KIAA0825: variants seen among roughly 807,000 people sequenced by gnomAD.
The protein encoded by KIAA0825 is uncharacterized protein KIAA0825.
In KIAA0825, 119 loss-of-function variants were observed where a neutral mutation model predicts 147.6. The ratio of observed to expected loss-of-function variants is 0.81; its 90% CI spans 0.69 to 0.94. The LOEUF (loss-of-function observed/expected upper bound fraction) is 0.94. Among genes scored for constraint, KIAA0825 ranks in the 40% least tolerant of loss-of-function variants. KIAA0825 has a pLI of 0.00. For missense variants in KIAA0825, 1,381 were observed against 1,472.7 expected (o/e 0.94, Z 1.02); for synonymous variants, 470 against 518.1 (o/e 0.91, Z 1.26).
At chr5:94,445,224 A>G (rs1400176440) in intron 13 of KIAA0825, among the ~76,000 whole-genome samples, 1 of 152,198 alleles carries the variant, frequency 6.6e-6, no homozygotes, top group Non-Finnish European at 1.5e-5. Context: ...AAGTGGTTCA[A>G]TATTTCTTCC....
intron 20 of KIAA0825, among the ~76,000 whole-genome samples, chr5:94,349,653 C>A (rs1475064114): frequency 6.6e-6 from 1 of 152,054 alleles, no homozygotes; most frequent in African/African-American, 2.4e-5. Flanking sequence ...TGCAAATACA[C>A]GGAAATTAAA....
At chr5:94,361,168 G>GT (rs1745005884) in intron 20 of KIAA0825, among the ~76,000 whole-genome samples, 2 of 152,218 alleles carry the variant, frequency 1.3e-5, no homozygotes, top group African/African-American at 2.4e-5. Context: ...ATAAAATGAA[G>GT]TTTTTTTAAA....
chr5:94,340,038 T>C (rs1488352495), intron 20 of KIAA0825, among the ~76,000 whole-genome samples: 1 of 152,100 alleles, frequency 6.6e-6, no homozygotes, highest in Non-Finnish European at 1.5e-5. Context: ...AAAAATACTA[T>C]TCATATTCTC....
At chr5:94,492,030 G>A (rs1450166809) in intron 5 of KIAA0825, among the ~76,000 whole-genome samples, 1 of 152,194 alleles carries the variant, frequency 6.6e-6, no homozygotes, top group East Asian at 1.9e-4. Flanking sequence ...TGAGCCTCAT[G>A]AATGTAAATG....
At position 94,384,013 on chromosome 5, in the gene KIAA0825, G is replaced by A. The variant is rs551390645; in HGVS notation, c.3710+355C>T. On this transcript the variant is annotated intron_variant, in intron 20 of 20. Coordinates refer to ENST00000682413, the MANE Select transcript of KIAA0825 (RefSeq NM_001145678.3). ...AACAAAGGTGTAGTATTATAATAAC[G>A]TTCAAGTCAATAACTTTTGGTCTTT... is the stretch of plus-strand genomic sequence containing the variant. 1.5e-4 allele frequency among the ~76,000 whole-genome samples: 23 copies of A among 152,132 alleles called. 1 individual carries two copies. The South Asian group carries it at 4.3e-3, about 29-fold the overall frequency.
chr5:94,289,649 G>A (rs546969298), intron 20 of KIAA0825, among the ~76,000 whole-genome samples: 36 of 151,926 alleles, frequency 2.4e-4, no homozygotes, highest in African/African-American at 8.7e-4. Context: ...AAATTTGGTT[G>A]AGGTCTTAAC....
intron 14 of KIAA0825, among the ~76,000 whole-genome samples, chr5:94,424,462 A>G (rs1257367108): frequency 6.6e-6 from 1 of 152,160 alleles, no homozygotes; most frequent in African/African-American, 2.4e-5. Flanking sequence ...ATTTAAAAAA[A>G]TTCCTAAAAC....
intron 5 of KIAA0825, among the ~76,000 whole-genome samples, chr5:94,487,502 T>C (rs1245423790): frequency 7.9e-5 from 12 of 152,330 alleles, no homozygotes; most frequent in Non-Finnish European, 4.4e-5. Flanking sequence ...TACCTCACAG[T>C]ATCTCATAGG....
intron 20 of KIAA0825, among the ~76,000 whole-genome samples, chr5:94,367,532 A>G (rs1226422895): frequency 6.6e-6 from 1 of 152,088 alleles, no homozygotes; most frequent in Non-Finnish European, 1.5e-5. Flanking sequence ...AAGAAAAAGG[A>G]AGCCTAGAGA....
At position 94,484,913 on chromosome 5, in the gene KIAA0825, G is replaced by C; in HGVS notation, c.988C>G (p.Gln330Glu). 1 of 1,513,446 alleles carries C rather than the reference G, an allele frequency of 6.6e-7. No individual in the cohort carries two copies. 93.8% of individuals were successfully genotyped at this position (1,513,446 alleles called of 1,614,324 possible). ...VHALVTTECP[Q>E]KGRNFSLPLD... ...GGGAGAGAGAAGTTTCTTCCTTTCT[G>C]TGGGCATTCAGTAGTAACTGTGAAA... The change falls in exon 6 of 21, where the codon CAG becomes GAG. Residue 330 changes from glutamine to glutamate, a missense_variant. Coordinates refer to ENST00000682413, the MANE Select transcript of KIAA0825 (RefSeq NM_001145678.3).
intron 20 of KIAA0825, among the ~76,000 whole-genome samples, chr5:94,220,080 C>A (rs1318819455): frequency 1.3e-5 from 2 of 152,092 alleles, no homozygotes; most frequent in African/African-American, 4.8e-5. Flanking sequence ...GCAAAAAATT[C>A]TTTCTCCATA....
chr5:94,596,579 G>C (rs1358637864), intron 1 of KIAA0825, among the ~76,000 whole-genome samples: 2 of 152,136 alleles, frequency 1.3e-5, no homozygotes, highest in African/African-American at 4.8e-5. Flanking sequence ...TGTTCCATAG[G>C]AATTTTAAAA....
intron 18 of KIAA0825, among the ~76,000 whole-genome samples, chr5:94,388,736 C>A (rs539892592): frequency 6.6e-6 from 1 of 152,216 alleles, no homozygotes; most frequent in Non-Finnish European, 1.5e-5. Context: ...ACAGTCATCA[C>A]TAACCCTTCT....
intron 12 of KIAA0825, 39 bp downstream of exon 12, chr5:94,462,348 T>C (rs1759945609): frequency 9.5e-7 from 1 of 1,047,342 alleles, no homozygotes; most frequent in Non-Finnish European, 1.3e-6. Flanking sequence ...AATCACGTTA[T>C]ATCATAATAG....
At chr5:94,404,075 G>T (rs1468068643) in intron 15 of KIAA0825, among the ~76,000 whole-genome samples, 18 of 152,280 alleles carry the variant, frequency 1.2e-4, no homozygotes, top group African/African-American at 2.4e-5. Context: ...GACCTTCTTA[G>T]ATGACAACTT....
Position 94,226,315 on chromosome 5 carries a change from A to T in KIAA0825, c.3711-72191T>A, listed in dbSNP as rs193250806. On this transcript the variant is annotated intron_variant, in intron 20 of 20. Transcript: ENST00000682413. ...AAATGCAAATCAAAACCACAATGAGATACCATCTCATGCCAGTTAGAATGG... is the reference window on the plus strand; with the variant it reads ...AAATGCAAATCAAAACCACAATGAGTTACCATCTCATGCCAGTTAGAATGG... 8.8e-4 allele frequency among the ~76,000 whole-genome samples: 134 copies of T among 152,342 alleles called. 1 individual carries two copies. The highest frequency in any genetic ancestry group is 3.2e-3 in the African/African-American group (131 of 41,580).
At chr5:94,331,363 C>T (rs1472733365) in intron 20 of KIAA0825, among the ~76,000 whole-genome samples, 1 of 152,124 alleles carries the variant, frequency 6.6e-6, no homozygotes, top group Non-Finnish European at 1.5e-5. Context: ...CTCGAAACAA[C>T]TCATTCAAGA....
chr5:94,564,705 A>C (rs1008844211), intron 2 of KIAA0825, among the ~76,000 whole-genome samples: 3 of 151,946 alleles, frequency 2.0e-5, no homozygotes, highest in Non-Finnish European at 2.9e-5. Flanking sequence ...CTCCTGGGCT[A>C]CTACTTGTTA....
chr5:94,520,987 A>G (rs1768078787), intron 4 of KIAA0825, 70 bp from the exon 5 acceptor site: 1 of 1,238,328 alleles, frequency 8.1e-7, no homozygotes, highest in African/African-American at 1.5e-5. Context: ...GTCATATACA[A>G]TTTCATAATA....
Sources: gnomAD v4.1 joint callset for allele counts (sites outside exome capture counted in the v4.1 genomes callset) on GRCh38, gnomAD v4.1.1 for gene constraint, MANE v1.5 for transcripts, NCBI Gene and HGNC (gene_info 2026-07-23, HGNC 2026-07-21) for gene names.